The following CEP57 variants were observed in gnomAD, a reference collection of about 807,000 sequenced individuals.
The protein encoded by CEP57 is centrosomal protein 57.
In CEP57, 40 loss-of-function variants were observed where a neutral mutation model predicts 68.0. The ratio of observed to expected loss-of-function variants is 0.59; its 90% CI spans 0.46 to 0.77. CEP57 has a LOEUF of 0.77. Among genes scored for constraint, CEP57 ranks in the 30% least tolerant of loss-of-function variants. The probability of loss-of-function intolerance (pLI) is 0.00; values close to 1 mark genes in which losing one functional copy is unlikely to be tolerated. For missense variants in CEP57, 606 were observed against 580.7 expected (o/e 1.04, Z -0.45); for synonymous variants, 219 against 198.7 (o/e 1.10, Z -0.86).
intron 9 of CEP57, among the ~76,000 whole-genome samples, chr11:95,828,475 A>G (rs537560042): frequency 1.5e-5 from 2 of 137,034 alleles, no homozygotes; most frequent in East Asian, 4.2e-4. Context: ...ATTTGTGTAT[A>G]TAAACATCTA....
rs1045839075 is a variant in CEP57 at position 95,807,479 on chromosome 11, T to A, written c.203-5453T>A. On this transcript the variant is annotated intron_variant, in intron 2 of 10. Coordinates refer to ENST00000325542, the MANE Select transcript of CEP57 (RefSeq NM_014679.5). ...GAAGCTAAAAACCTTGAAAAAAGATTAGACGAATGGCTAACTAGAATAAAC... is the reference window on the plus strand; with the variant it reads ...GAAGCTAAAAACCTTGAAAAAAGATAAGACGAATGGCTAACTAGAATAAAC... Among the ~76,000 whole-genome samples, 6 of 152,164 alleles carry A rather than the reference T, an allele frequency of 3.9e-5. No homozygotes were observed. The East Asian group carries it at 1.2e-3, about 29-fold the overall frequency.
rs1472625294 is a variant in CEP57 at position 95,817,912 on chromosome 11, A to G, written c.621+9A>G. ...TGCAGGCCCTTGCAGAAGTCAGTGCATGTGTCTTTTTATTGTTAACATATA... is the reference window on the plus strand; with the variant it reads ...TGCAGGCCCTTGCAGAAGTCAGTGCGTGTGTCTTTTTATTGTTAACATATA... On this transcript the variant is annotated intron_variant, in intron 5 of 10. Transcript: ENST00000325542. 9 of 1,530,726 alleles carry G rather than the reference A, an allele frequency of 5.9e-6. No individual in the cohort carries two copies. Among genetic ancestry groups the G allele is most frequent in the East Asian group, 2.2e-5 (1 of 44,486 alleles). 94.8% of individuals were successfully genotyped at this position (1,530,726 alleles called of 1,614,324 possible).
At position 95,827,932 on chromosome 11, in the gene CEP57, G is replaced by T. The variant is rs1862819177; in HGVS notation, c.1032G>T (p.Lys344Asn). ...TATCTTCACGAGGTGGTAAAAGTAA[G>T]AAGTTGTCAGTAACACCTCCCTCCT... ...KQVSSRGGKS[K>N]KLSVTPPSSN... Residue 344 changes from lysine to asparagine, a missense_variant, in exon 9 of 11, where the codon AAG becomes AAT. Coordinates refer to ENST00000325542, the MANE Select transcript of CEP57 (RefSeq NM_014679.5). 2.5e-6 allele frequency: 4 copies of T among 1,614,104 alleles called. No homozygotes were observed. Among genetic ancestry groups the T allele is most frequent in the Non-Finnish European group, 2.5e-6 (3 of 1,179,986 alleles).
chr11:95,819,324 A>G (rs1862428177), intron 6 of CEP57, among the ~76,000 whole-genome samples: 1 of 152,322 alleles, frequency 6.6e-6, no homozygotes, highest in African/African-American at 2.4e-5. Context: ...CCCAATAGCT[A>G]TTGACCCAGA....
rs1424360758 is a variant in CEP57 at position 95,813,017 on chromosome 11, C to T, written c.288C>T (p.Thr96=). 7 of 1,613,906 alleles carry T rather than the reference C, an allele frequency of 4.3e-6. No individual in the cohort carries two copies. The highest frequency in any genetic ancestry group is 5.9e-6 in the Non-Finnish European group (7 of 1,179,940). The change falls in exon 3 of 11, where the codon ACC becomes ACT. Residue 96 remains threonine (T), a synonymous_variant. Transcript: ENST00000325542. ...TTCAGGCAGAAGAAAGTGTGAAAAC[C>T]TTGTCTAGAGAAACAATTGAATATA... ...ERIQAEESVK[T]LSRETIEYKK... is the part of the protein sequence containing the mutation.
intron 2 of CEP57, among the ~76,000 whole-genome samples, chr11:95,801,193 C>G (rs1861562251): frequency 6.6e-6 from 1 of 152,050 alleles, no homozygotes; most frequent in Non-Finnish European, 1.5e-5. Context: ...AGCTTAAATC[C>G]TAACCTATAA....
chr11:95,794,462 TC>T (rs2135241099), intron 1 of CEP57: 7 of 374,002 alleles, frequency 1.9e-5, no homozygotes, highest in South Asian at 1.2e-4. Context: ...GATGGTATCG[TC>T]CCACTTGTAA....
intron 2 of CEP57, among the ~76,000 whole-genome samples, chr11:95,802,209 A>C (rs1861609514): frequency 1.3e-5 from 2 of 152,120 alleles, no homozygotes; most frequent in African/African-American, 2.4e-5. Flanking sequence ...TAAGAAGAAA[A>C]GTTCAACAAG....
At chr11:95,801,450 CA>C (rs200265603) in intron 2 of CEP57, among the ~76,000 whole-genome samples, 3,370 of 66,712 alleles carry the variant, frequency 0.051, 36 homozygotes, top group Non-Finnish European at 0.069. Context: ...TTTTAAAAAG[CA>C]AAAAAAAAAA....
chr11:95,820,506 G>T (rs918616673), intron 6 of CEP57, among the ~76,000 whole-genome samples: 4 of 148,684 alleles, frequency 2.7e-5, no homozygotes, highest in Non-Finnish European at 4.4e-5. Context: ...CAGGAGAATC[G>T]CTTGAACCTG....
chr11:95,790,778 G>A (rs1860997604), intron 1 of CEP57, 35 bp downstream of exon 1: 1 of 1,611,988 alleles, frequency 6.2e-7, no homozygotes, highest in Admixed American at 1.7e-5. Context: ...GCCCCACGTC[G>A]GCCCTAAGCG....
At chr11:95,823,810 T>C (rs147934720) in intron 8 of CEP57, among the ~76,000 whole-genome samples, 148 of 152,264 alleles carry the variant, frequency 9.7e-4, no homozygotes, top group African/African-American at 3.5e-3. Context: ...ATCTCTCCAG[T>C]CAATTGTGTA....
In CEP57 at chr11:95,825,126, C is replaced by G. The variant is rs189607162; in HGVS notation, c.885+2550C>G. ...TCTGGATCAGGGAGCATAAGGACTTCTAAGGCACATTACATACACTATAAA... is the reference window on the plus strand; with the variant it reads ...TCTGGATCAGGGAGCATAAGGACTTGTAAGGCACATTACATACACTATAAA... On this transcript the variant is annotated intron_variant, in intron 8 of 10. Transcript: ENST00000325542. Among the ~76,000 whole-genome samples, 34 of 152,262 alleles carry G rather than the reference C, an allele frequency of 2.2e-4. No individual in the cohort carries two copies. The East Asian group carries it at 6.4e-3, about 29-fold the overall frequency.
chr11:95,808,487 G>C (rs1861908383), intron 2 of CEP57, among the ~76,000 whole-genome samples: 2 of 152,076 alleles, frequency 1.3e-5, no homozygotes, highest in Admixed American at 1.3e-4. Flanking sequence ...CTCACATGCT[G>C]GGGCACACAT....
Position 95,790,556 on chromosome 11 carries a change from A to T in CEP57, c.-143A>T. The stretch of plus-strand genomic sequence containing the variant: ...GAGGGGGTGTGTTGCAGGGGTTTCC[A>T]AGCCCAGCACCAGCACCCTTGCCCT... On this transcript the variant is annotated 5_prime_UTR_variant, in exon 1 of 11. Transcript: ENST00000325542. 2 of 982,666 alleles carry T rather than the reference A, an allele frequency of 2.0e-6. No homozygotes were observed. Among genetic ancestry groups the T allele is most frequent in the South Asian group, 2.8e-5 (2 of 70,790 alleles). 60.9% of individuals were successfully genotyped at this position (982,666 alleles called of 1,614,324 possible). A position where few individuals can be genotyped will look rare whatever the true frequency, so the allele number is the denominator to read the frequency against.
Position 95,818,821 on chromosome 11 carries a change from C to G in CEP57, c.622-6C>G. The G allele has an allele frequency of 6.2e-7, 1 of 1,612,116 alleles. No individual in the cohort carries two copies. Among genetic ancestry groups the G allele is most frequent in the Non-Finnish European group, 8.5e-7 (1 of 1,178,390 alleles). Reference sequence around the variant, plus strand: ...CCTTTATCCCTTTTGACATTTTTATCACTAGAAAAAAATGCAAGAGTTGGA... The same window carrying G: ...CCTTTATCCCTTTTGACATTTTTATGACTAGAAAAAAATGCAAGAGTTGGA... On this transcript the variant is annotated splice_polypyrimidine_tract_variant and splice_region_variant and intron_variant, in intron 5 of 10. Transcript: ENST00000325542.
At chr11:95,820,579 CAAAA>C (rs56260498) in intron 6 of CEP57, among the ~76,000 whole-genome samples, 25 of 82,436 alleles carry the variant, frequency 3.0e-4, no homozygotes, top group Admixed American at 1.9e-3. Context: ...GCAACAAGAG[CAAAA>C]AAAAAAAAAA....
rs564400188 is a variant in CEP57 at position 95,818,241 on chromosome 11, G to A, written c.621+338G>A. Reference sequence around the variant, plus strand: ...AGCCTGACCAACATGGTGAAACCCCGTATCTACTAAAAATACAAAAATTAG... The same window carrying A: ...AGCCTGACCAACATGGTGAAACCCCATATCTACTAAAAATACAAAAATTAG... On this transcript the variant is annotated intron_variant, in intron 5 of 10. Coordinates refer to ENST00000325542, the MANE Select transcript of CEP57 (RefSeq NM_014679.5). 3.0e-3 allele frequency among the ~76,000 whole-genome samples: 452 copies of A among 151,940 alleles called. 2 individuals are homozygous for A. Among genetic ancestry groups the A allele is most frequent in the African/African-American group, 0.01 (416 of 41,458 alleles).
chr11:95,826,452 A>T (rs1862746611), intron 8 of CEP57: 1 of 152,232 alleles, frequency 6.6e-6, no homozygotes, highest in Non-Finnish European at 1.5e-5. Context: ...GGAGTTGGTC[A>T]ACGGGGAGGG....
Sources: gnomAD v4.1 joint callset for allele counts (sites outside exome capture counted in the v4.1 genomes callset) on GRCh38, gnomAD v4.1.1 for gene constraint, MANE v1.5 for transcripts, NCBI Gene and HGNC (gene_info 2026-07-23, HGNC 2026-07-21) for gene names.